MACC1: variants seen among roughly 807,000 people sequenced by gnomAD.
MACC1 encodes the protein metastasis-associated in colon cancer protein 1.
A neutral mutation model predicts 70.7 loss-of-function variants in MACC1; 79 were observed. The ratio of observed to expected loss-of-function variants is 1.12; its 90% CI spans 0.93 to 1.35. MACC1 has a LOEUF of 1.35. MACC1 is among the 40% of genes most tolerant of loss of function. The pLI, the probability that MACC1 is intolerant of heterozygous loss-of-function variation, is 0.00. For missense variants in MACC1, 1,106 were observed against 978.1 expected, an observed-to-expected ratio of 1.13 and a Z score of -1.74; for synonymous variants, 361 against 347.2, an observed-to-expected ratio of 1.04 and a Z score of -0.44.
intron 1 of MACC1, among the ~76,000 whole-genome samples, chr7:20,208,589 G>A (rs191060304): frequency 2.0e-5 from 3 of 152,224 alleles, no homozygotes; most frequent in Non-Finnish European, 4.4e-5. Flanking sequence ...ATTTCTAAGT[G>A]GCAAAGCATT....
At chr7:20,184,304 C>A (rs1782553446) in intron 1 of MACC1, among the ~76,000 whole-genome samples, 1 of 152,130 alleles carries the variant, frequency 6.6e-6, no homozygotes, top group African/African-American at 2.4e-5. Flanking sequence ...AACTCACTAC[C>A]TTTTGCTGAA....
chr7:20,212,514 C>T (rs1218289804), intron 1 of MACC1, among the ~76,000 whole-genome samples: 1 of 152,124 alleles, frequency 6.6e-6, no homozygotes, highest in Non-Finnish European at 1.5e-5. Flanking sequence ...AAGAATCTCT[C>T]TTCAGCTCTC....
intron 6 of MACC1, among the ~76,000 whole-genome samples, chr7:20,145,707 A>G (rs1048686419): frequency 6.6e-6 from 1 of 152,216 alleles, no homozygotes; most frequent in Non-Finnish European, 1.5e-5. Context: ...ATAAATACAA[A>G]AGGATGTTAA....
rs374483273 is a variant in MACC1 at position 20,140,840 on chromosome 7, GACACAC to G, written c.*100_*105del. Reference sequence around the variant, plus strand: ...ACACACACACAGACACACACACACAGACACACACACACAGACACACAGAGACACACA... The same window carrying G: ...ACACACACACAGACACACACACACAGACACACAGACACACAGAGACACACA... On this transcript the variant is annotated 3_prime_UTR_variant, in exon 7 of 7. Coordinates refer to ENST00000400331, the MANE Select transcript of MACC1 (RefSeq NM_182762.4). 4.0e-3 allele frequency: 2,751 copies of G among 690,696 alleles called. 52 individuals are homozygous for G. In the African/African-American group the frequency reaches 0.049, roughly 12 times the overall value. 42.8% of individuals were successfully genotyped at this position (690,696 alleles called of 1,614,324 possible).
chr7:20,157,478 G>A (rs1223963120), intron 5 of MACC1, among the ~76,000 whole-genome samples: 1 of 151,472 alleles, frequency 6.6e-6, no homozygotes. Flanking sequence ...AAAGGATATT[G>A]GTAATACATT....
At chr7:20,202,793 G>A (rs566390986) in intron 1 of MACC1, among the ~76,000 whole-genome samples, 1 of 152,082 alleles carries the variant, frequency 6.6e-6, no homozygotes, top group Non-Finnish European at 1.5e-5. Context: ...CAATTTAAAG[G>A]GCACATGTGG....
chr7:20,159,150 T>C lies in MACC1; in HGVS notation c.1211A>G (p.Asp404Gly), dbSNP rs183823420. 19 of 1,613,958 alleles carry C rather than the reference T, an allele frequency of 1.2e-5. No individual in the cohort carries two copies. The African/African-American group carries it at 1.7e-4, about 15-fold the overall frequency. Residue 404 changes from aspartate (D) to glycine (G), a missense_variant, in exon 5 of 7, where the codon GAT (aspartate) becomes GGT (glycine). Transcript: ENST00000400331. ...NYMPGQLTIS[D>G]IKKGGKNISP... ...TATGTTTTTTCCACCCTTCTTAATATCAGAAATTGTAAGCTGTCCTGGCAT... is the reference window on the plus strand; with the variant it reads ...TATGTTTTTTCCACCCTTCTTAATACCAGAAATTGTAAGCTGTCCTGGCAT...
intron 1 of MACC1, among the ~76,000 whole-genome samples, chr7:20,213,466 A>G (rs1339172110): frequency 1.3e-5 from 2 of 152,256 alleles, no homozygotes; most frequent in African/African-American, 4.8e-5. Flanking sequence ...TTATGAAGAC[A>G]TATGCACACA....
chr7:20,154,192 C>A lies in MACC1; in HGVS notation c.2346+1G>T. The A allele has an allele frequency of 1.2e-6, 2 of 1,613,760 alleles. No individual in the cohort carries two copies. The highest frequency in any genetic ancestry group is 1.7e-4 in the Middle Eastern group (1 of 6,058). On this transcript the variant is annotated splice_donor_variant, in intron 6 of 6. Coordinates refer to ENST00000400331, the MANE Select transcript of MACC1 (RefSeq NM_182762.4). LOFTEE classifies it high-confidence loss of function. ...TTGAATTACACAAACAGAAGTCTTACCTCAACAGCAACATCTCCAGTGTTT... is the reference window on the plus strand; with the variant it reads ...TTGAATTACACAAACAGAAGTCTTAACTCAACAGCAACATCTCCAGTGTTT...
chr7:20,175,916 G>C (rs1782385942), intron 1 of MACC1, among the ~76,000 whole-genome samples: 1 of 151,958 alleles, frequency 6.6e-6, no homozygotes, highest in Non-Finnish European at 1.5e-5. Flanking sequence ...TTCCATTGTA[G>C]GCTACAAAGA....
rs1028534821 is a variant in MACC1, at chr7:20,138,795, C to T, written c.*2151G>A. On this transcript the variant is annotated 3_prime_UTR_variant, in exon 7 of 7. Coordinates refer to ENST00000400331, the MANE Select transcript of MACC1 (RefSeq NM_182762.4). ...TCACGCCATTCTCCTGCCTCAGCCT[C>T]CTGAGTAGCTGGGACTACAGGCGCC... is the stretch of plus-strand genomic sequence containing the variant. 2.6e-5 allele frequency: 4 copies of T among 152,032 alleles called. No homozygotes were observed. Among genetic ancestry groups the T allele is most frequent in the Admixed American group, 6.5e-5 (1 of 15,272 alleles). 9.4% of individuals were successfully genotyped at this position (152,032 alleles called of 1,614,324 possible). A position where few individuals can be genotyped will look rare whatever the true frequency, so the allele number is the denominator to read the frequency against.
At chr7:20,217,001 TA>T (rs1247261945) in intron 1 of MACC1, among the ~76,000 whole-genome samples, 1 of 152,180 alleles carries the variant, frequency 6.6e-6, no homozygotes, top group Non-Finnish European at 1.5e-5. Flanking sequence ...AAGCAACTCA[TA>T]GAGTGTTTTG....
In MACC1 at chr7:20,200,589, G is replaced by A. The variant is rs577802064; in HGVS notation, c.-218+16710C>T. Among the ~76,000 whole-genome samples the A allele has an allele frequency of 5.3e-5, 8 of 152,344 alleles. No individual in the cohort carries two copies. In the South Asian group the frequency reaches 1.7e-3, roughly 32 times the overall value. On this transcript the variant is annotated intron_variant, in intron 1 of 6. Transcript: ENST00000400331. ...AACTCATCACAAGACATGAGAGACA[G>A]AGTGATGTAATTACCTAAGAAGGGG...
At chr7:20,212,550 G>A (rs1340470942) in intron 1 of MACC1, among the ~76,000 whole-genome samples, 1 of 152,146 alleles carries the variant, frequency 6.6e-6, no homozygotes, top group Admixed American at 6.6e-5. Flanking sequence ...GAGTGGGGCA[G>A]GAGGAAAAGC....
In MACC1 at chr7:20,137,344, A is replaced by G. The variant is rs954692844; in HGVS notation, c.*3602T>C. On this transcript the variant is annotated 3_prime_UTR_variant, in exon 7 of 7. Coordinates refer to ENST00000400331, the MANE Select transcript of MACC1 (RefSeq NM_182762.4). ...GTCATCCCCAAACTGAGAACTTTATATAGTATGTTCTACATTACAGGCCAT... is the reference window on the plus strand; with the variant it reads ...GTCATCCCCAAACTGAGAACTTTATGTAGTATGTTCTACATTACAGGCCAT... 8 of 152,208 alleles carry G rather than the reference A, an allele frequency of 5.3e-5. No individual in the cohort carries two copies. Among genetic ancestry groups the G allele is most frequent in the Non-Finnish European group, 7.3e-5 (5 of 68,030 alleles). The allele number at this position is 152,208 out of a possible 1,614,324, so 9.4% of individuals were successfully genotyped here.
chr7:20,214,291 C>G (rs1246987853), intron 1 of MACC1, among the ~76,000 whole-genome samples: 1 of 152,170 alleles, frequency 6.6e-6, no homozygotes, highest in Non-Finnish European at 1.5e-5. Context: ...AGAATACCCT[C>G]CATGGAATAC....
chr7:20,154,797 G>T (rs1782031914), intron 5 of MACC1, among the ~76,000 whole-genome samples: 1 of 151,994 alleles, frequency 6.6e-6, no homozygotes, highest in Non-Finnish European at 1.5e-5. Flanking sequence ...GAGAGGATTG[G>T]CTACAAGAAT....
At chr7:20,196,137 T>G (rs1040766421) in intron 1 of MACC1, among the ~76,000 whole-genome samples, 1 of 152,158 alleles carries the variant, frequency 6.6e-6, no homozygotes, top group Non-Finnish European at 1.5e-5. Flanking sequence ...ATCTTTAGTT[T>G]CCAAGGCTTA....
intron 6 of MACC1, among the ~76,000 whole-genome samples, chr7:20,151,873 C>A (rs999319482): frequency 7.2e-5 from 11 of 152,102 alleles, no homozygotes; most frequent in Admixed American, 5.9e-4. Flanking sequence ...CCATATTAAA[C>A]AGTGATGGAC....
Sources: allele counts gnomAD v4.1 joint callset (sites outside exome capture counted in the v4.1 genomes callset), GRCh38; gene constraint gnomAD v4.1.1; transcripts MANE v1.5; gene names NCBI Gene and HGNC (gene_info 2026-07-23, HGNC 2026-07-21).